Variants in CLASP1 observed in about 807,000 individuals in gnomAD.
The protein encoded by CLASP1 is cytoplasmic linker associated protein 1.
CLASP1 carries 38 observed loss-of-function variants against 192.3 expected under a neutral mutation model. That is an observed-to-expected ratio of 0.20 (90% CI 0.15 to 0.26). CLASP1 has a LOEUF of 0.26. Among genes scored for constraint, CLASP1 ranks in the 10% least tolerant of loss-of-function variants. The pLI is 1.00. For synonymous variants in CLASP1, 691 were observed against 712.8 expected, an observed-to-expected ratio of 0.97 and a Z score of 0.49; for missense variants, 1,433 against 1,932.5, an observed-to-expected ratio of 0.74 and a Z score of 4.85.
At chr2:121,537,364 C>G (rs1177494402) in intron 2 of CLASP1, among the ~76,000 whole-genome samples, 1 of 151,464 alleles carries the variant, frequency 6.6e-6, no homozygotes, top group African/African-American at 2.4e-5. Flanking sequence ...TGCACTCCAG[C>G]CTGGGTGACA....
chr2:121,372,069 C>G (rs1396674267), intron 34 of CLASP1, among the ~76,000 whole-genome samples: 2 of 152,218 alleles, frequency 1.3e-5, no homozygotes, highest in African/African-American at 4.8e-5. Flanking sequence ...ATCCAGTGAG[C>G]CCATTCTCGA....
intron 1 of CLASP1, among the ~76,000 whole-genome samples, chr2:121,643,968 C>T (rs2072633379): frequency 6.6e-6 from 1 of 152,112 alleles, no homozygotes; most frequent in African/African-American, 2.4e-5. Context: ...TTAACAAGGT[C>T]CCAAAGAGAT....
chr2:121,465,531 A>G (rs1236547064), intron 9 of CLASP1, among the ~76,000 whole-genome samples: 5 of 152,224 alleles, frequency 3.3e-5, no homozygotes, highest in African/African-American at 1.2e-4. Flanking sequence ...GGATACAAAG[A>G]AATGGAAGAA....
At chr2:121,342,706 T>A (rs1030266257) in intron 39 of CLASP1, among the ~76,000 whole-genome samples, 7 of 152,124 alleles carry the variant, frequency 4.6e-5, no homozygotes, top group African/African-American at 1.7e-4. Context: ...TGTAGGAGGC[T>A]GAGGTGGGAG....
chr2:121,569,303 A>T (rs1403695248), intron 2 of CLASP1, among the ~76,000 whole-genome samples: 1 of 152,192 alleles, frequency 6.6e-6, no homozygotes, highest in African/African-American at 2.4e-5. Context: ...ATAGCTCATA[A>T]CACAGAGATC....
rs776425806 is a variant in CLASP1, at chr2:121,425,251, A to C, written c.2100T>G (p.Leu700=). Residue 700 remains leucine (L), a synonymous_variant, in exon 22 of 40, where the codon CTT becomes CTG. Coordinates refer to ENST00000263710, the Ensembl canonical transcript of CLASP1. ...GTGGGCCTCGTGAGGAGCCCCCAGT[A>C]AGTCCACCATAACCACTTCCCAACA... is the stretch of plus-strand genomic sequence containing the variant. 3.1e-6 allele frequency: 5 copies of C among 1,613,496 alleles called. No homozygotes were observed. The South Asian group carries it at 5.5e-5, about 18-fold the overall frequency.
In CLASP1 at chr2:121,450,098, G is replaced by A. The variant is rs562669096; in HGVS notation, c.1523+815C>T. Among the ~76,000 whole-genome samples the A allele has an allele frequency of 5.9e-5, 9 of 152,230 alleles. No homozygotes were observed. In the East Asian group the frequency reaches 9.7e-4, roughly 16 times the overall value. ...TGTAATTCCAGCACTTTGGGAGGCC[G>A]AGGCGGGTGGATCACGAGGTCAGGA... On this transcript the variant is annotated intron_variant, in intron 16 of 39. Transcript: ENST00000263710.
chr2:121,375,070 A>C (rs906282736), intron 34 of CLASP1, among the ~76,000 whole-genome samples: 2 of 152,172 alleles, frequency 1.3e-5, no homozygotes, highest in African/African-American at 4.8e-5. Flanking sequence ...CTCATGTCAA[A>C]CTGTAATTCC....
intron 23 of CLASP1, among the ~76,000 whole-genome samples, chr2:121,415,508 A>G (rs888396511): frequency 1.3e-5 from 2 of 152,250 alleles, no homozygotes; most frequent in African/African-American, 2.4e-5. Context: ...AGGGAAATAC[A>G]TGCTAAATTC....
intron 8 of CLASP1, among the ~76,000 whole-genome samples, chr2:121,501,414 A>T (rs2093749736): frequency 6.6e-6 from 1 of 152,122 alleles, no homozygotes; most frequent in Non-Finnish European, 1.5e-5. Context: ...TCTACCAATG[A>T]TATGTTTTTA....
intron 20 of CLASP1, 63 bp downstream of exon 20, chr2:121,430,010 C>T (rs1005341895): frequency 8.0e-7 from 1 of 1,250,686 alleles, no homozygotes. Context: ...GTAAAATGTT[C>T]AACTGCAGAA....
intron 23 of CLASP1, among the ~76,000 whole-genome samples, chr2:121,415,404 T>G (rs2078405144): frequency 1.3e-5 from 2 of 152,216 alleles, no homozygotes; most frequent in Non-Finnish European, 1.5e-5. Context: ...GTGGTGGCAG[T>G]AACAGTTAAG....
intron 2 of CLASP1, among the ~76,000 whole-genome samples, chr2:121,568,611 T>C (rs893641343): frequency 3.3e-5 from 5 of 151,670 alleles, no homozygotes; most frequent in African/African-American, 1.2e-4. Context: ...TGATTCTAAA[T>C]GTCTTAAGTT....
At chr2:121,384,302 C>T (rs955402057) in intron 32 of CLASP1, among the ~76,000 whole-genome samples, 1 of 152,014 alleles carries the variant, frequency 6.6e-6, no homozygotes, top group Non-Finnish European at 1.5e-5. Context: ...AATCTCCCCA[C>T]CTCAGCCTTC....
chr2:121,402,449 T>C (rs541939031), intron 26 of CLASP1: 274 of 408,504 alleles, frequency 6.7e-4, no homozygotes, highest in Non-Finnish European at 1.2e-3. Context: ...ACAAACCCTA[T>C]ACCGCCTCAT....
At chr2:121,408,187 C>T (rs892718417) in intron 24 of CLASP1, among the ~76,000 whole-genome samples, 3 of 152,186 alleles carry the variant, frequency 2.0e-5, no homozygotes, top group South Asian at 4.1e-4. Flanking sequence ...CCTCCCCAGT[C>T]AAAAGCAATA....
intron 19 of CLASP1, among the ~76,000 whole-genome samples, chr2:121,441,296 A>C (rs921832880): frequency 6.6e-6 from 1 of 152,208 alleles, no homozygotes; most frequent in East Asian, 1.9e-4. Flanking sequence ...TTTGGCATAC[A>C]TATCTGCTGT....
At chr2:121,448,736 C>T (rs961580590) in intron 17 of CLASP1, among the ~76,000 whole-genome samples, 1 of 152,136 alleles carries the variant, frequency 6.6e-6, no homozygotes, top group Non-Finnish European at 1.5e-5. Flanking sequence ...CTAGGACTGC[C>T]GTATACATTT....
At chr2:121,455,069 T>C (rs545016815) in intron 14 of CLASP1, among the ~76,000 whole-genome samples, 2 of 152,322 alleles carry the variant, frequency 1.3e-5, no homozygotes, top group African/African-American at 4.8e-5. Flanking sequence ...TTCTCATCTC[T>C]AGGGGAAGCT....
Sources: allele counts gnomAD v4.1 joint callset (sites outside exome capture counted in the v4.1 genomes callset), GRCh38; gene constraint gnomAD v4.1.1; transcripts MANE v1.5; gene names NCBI Gene and HGNC (gene_info 2026-07-23, HGNC 2026-07-21).